The following XXYLT1 variants were observed in gnomAD, a reference collection of about 807,000 sequenced individuals.
XXYLT1 encodes UDP-xylose:alpha-xyloside alpha-1,3-xylosyltransferase.
Under a neutral mutation model 28.9 loss-of-function variants are expected in XXYLT1, and 20 were observed. That is an observed-to-expected ratio of 0.69 (90% confidence interval 0.49 to 1.00). The LOEUF (loss-of-function observed/expected upper bound fraction) is 1.00. Among genes scored for constraint, XXYLT1 ranks in the 50% least tolerant of loss-of-function variants. XXYLT1 has a pLI of 0.00. For missense variants in XXYLT1, 542 were observed against 560.1 expected (o/e 0.97, Z 0.33); for synonymous variants, 257 against 253.8 (o/e 1.01, Z -0.12).
chr3:195,212,464 G>A (rs979917098), intron 2 of XXYLT1, among the ~76,000 whole-genome samples: 1 of 152,206 alleles, frequency 6.6e-6, no homozygotes, highest in African/African-American at 2.4e-5. Flanking sequence ...TCAGAAGACA[G>A]TGAGTCTTCT....
intron 2 of XXYLT1, among the ~76,000 whole-genome samples, chr3:195,172,318 C>T (rs751589653): frequency 2.6e-5 from 4 of 152,268 alleles, no homozygotes; most frequent in African/African-American, 4.8e-5. Flanking sequence ...CGAAGTGTTT[C>T]GCTCAGGAGG....
chr3:195,264,212 G>C (rs1314894580), intron 1 of XXYLT1, among the ~76,000 whole-genome samples: 2 of 152,248 alleles, frequency 1.3e-5, no homozygotes, highest in African/African-American at 4.8e-5. Flanking sequence ...AAGAAATAAG[G>C]ATGGCATCTA....
At chr3:195,200,462 T>C (rs1338465035) in intron 2 of XXYLT1, among the ~76,000 whole-genome samples, 2 of 152,232 alleles carry the variant, frequency 1.3e-5, no homozygotes, top group African/African-American at 2.4e-5. Context: ...GGAATTCCAT[T>C]GCTTCTCTGG....
At chr3:195,123,253 TC>T (rs1718455422) in intron 3 of XXYLT1, among the ~76,000 whole-genome samples, 1 of 151,390 alleles carries the variant, frequency 6.6e-6, no homozygotes, top group Non-Finnish European at 1.5e-5. Context: ...CCACCACCTA[TC>T]CATCATAGTG....
intron 2 of XXYLT1, among the ~76,000 whole-genome samples, chr3:195,174,773 TCTTCTC>T (rs898949310): frequency 1.4e-5 from 2 of 147,676 alleles, no homozygotes; most frequent in Admixed American, 6.8e-5. Context: ...TTTCCCTTCC[TCTTCTC>T]CTTCTCCTTC....
intron 3 of XXYLT1, among the ~76,000 whole-genome samples, chr3:195,088,372 T>C (rs911823133): frequency 6.1e-5 from 9 of 147,236 alleles, no homozygotes; most frequent in African/African-American, 2.2e-4. Context: ...AGTGGGTCCC[T>C]GACCCCTGAC....
At chr3:195,214,415 C>T (rs1723466082) in intron 2 of XXYLT1, among the ~76,000 whole-genome samples, 1 of 152,038 alleles carries the variant, frequency 6.6e-6, no homozygotes, top group African/African-American at 2.4e-5. Flanking sequence ...GCCTGCTGAC[C>T]CCACCCATGT....
At chr3:195,098,732 T>A (rs1716599488) in intron 3 of XXYLT1, among the ~76,000 whole-genome samples, 2 of 152,202 alleles carry the variant, frequency 1.3e-5, no homozygotes. Context: ...AAAGTGATTT[T>A]TTTCCTATGG....
At chr3:195,188,562 C>A (rs573118622) in intron 2 of XXYLT1, among the ~76,000 whole-genome samples, 4 of 152,364 alleles carry the variant, frequency 2.6e-5, no homozygotes, top group African/African-American at 9.6e-5. Flanking sequence ...AGTACCTCTG[C>A]TGCTGCTGTG....
intron 3 of XXYLT1, among the ~76,000 whole-genome samples, chr3:195,134,858 TGTGTGTGTGTGC>T (rs1202305424): frequency 1.2e-4 from 15 of 128,158 alleles, no homozygotes; most frequent in East Asian, 1.3e-3. Flanking sequence ...TGTGTGTGTG[TGTGTGTGTGTGC>T]GTGTGCGCGC....
At chr3:195,086,747 C>T (rs1715751482) in intron 3 of XXYLT1, among the ~76,000 whole-genome samples, 1 of 151,874 alleles carries the variant, frequency 6.6e-6, no homozygotes. Flanking sequence ...GGTGGCAGTG[C>T]CAAGGATGGA....
chr3:195,119,428 G>A (rs1023041460), intron 3 of XXYLT1, among the ~76,000 whole-genome samples: 9 of 152,194 alleles, frequency 5.9e-5, no homozygotes. Context: ...GACAGGCGAT[G>A]AAGGGTATCC....
At chr3:195,211,281 C>G (rs1723300489) in intron 2 of XXYLT1, among the ~76,000 whole-genome samples, 1 of 152,114 alleles carries the variant, frequency 6.6e-6, no homozygotes. Context: ...GTAATCCCAG[C>G]TACTTGGGAG....
chr3:195,194,001 G>T (rs1281367798), intron 2 of XXYLT1, among the ~76,000 whole-genome samples: 1 of 151,702 alleles, frequency 6.6e-6, no homozygotes, highest in Non-Finnish European at 1.5e-5. Flanking sequence ...GTTAGGCAAA[G>T]AATTCTTAGA....
At chr3:195,179,976 C>T (rs1192653358) in intron 2 of XXYLT1, among the ~76,000 whole-genome samples, 1 of 152,180 alleles carries the variant, frequency 6.6e-6, no homozygotes, top group African/African-American at 2.4e-5. Context: ...ACTGTCTCCC[C>T]CAACACAGGC....
At chr3:195,236,759 C>A (rs568434191) in intron 1 of XXYLT1, among the ~76,000 whole-genome samples, 1 of 152,092 alleles carries the variant, frequency 6.6e-6, no homozygotes, top group Non-Finnish European at 1.5e-5. Flanking sequence ...TATGTACTAC[C>A]TGGTTACCAC....
rs146593860 is a variant in XXYLT1, at chr3:195,182,685, A to C, written c.653-26104T>G. Among the ~76,000 whole-genome samples the C allele has an allele frequency of 4.8e-5, 6 of 124,522 alleles. No individual in the cohort carries two copies. In the East Asian group the frequency reaches 1.4e-3, roughly 30 times the overall value. 81.7% of individuals were successfully genotyped at this position (124,522 alleles called of 152,430 possible). A position where few individuals can be genotyped will look rare whatever the true frequency, so the allele number is the denominator to read the frequency against. On this transcript the variant is annotated intron_variant, in intron 2 of 3. Transcript: ENST00000310380. ...TTCCCCATCAAGAGTGTAGATCTTA[A>C]TACAAAAAGTCACTGACGAAAGGAA...
intron 3 of XXYLT1, among the ~76,000 whole-genome samples, chr3:195,089,922 G>C (rs1270414579): frequency 6.6e-6 from 1 of 152,160 alleles, no homozygotes; most frequent in Non-Finnish European, 1.5e-5. Context: ...GATAAAAAGA[G>C]ACAAAGAAGG....
chr3:195,116,864 G>C (rs1718068189), intron 3 of XXYLT1, among the ~76,000 whole-genome samples: 1 of 152,090 alleles, frequency 6.6e-6, no homozygotes, highest in African/African-American at 2.4e-5. Flanking sequence ...GGTGATTGGG[G>C]GAAGAGCAAT....
Sources: gnomAD v4.1 joint callset for allele counts (sites outside exome capture counted in the v4.1 genomes callset) on GRCh38, gnomAD v4.1.1 for gene constraint, MANE v1.5 for transcripts, NCBI Gene and HGNC (gene_info 2026-07-23, HGNC 2026-07-21) for gene names.